Variants in CCDC185 observed in about 807,000 individuals in gnomAD.
CCDC185 encodes coiled-coil domain-containing protein 185.
For synonymous variants in CCDC185, 381 were observed against 348.1 expected, an observed-to-expected ratio of 1.09 and a Z score of -1.05; for missense variants, 982 against 825.3, an observed-to-expected ratio of 1.19 and a Z score of -2.33.
Position 223,394,671 on chromosome 1 carries a change from G to T in CCDC185, c.1196G>T (p.Arg399Met). Residue 399 changes from arginine (R) to methionine (M), a missense_variant, in exon 1 of 1, where the codon AGG becomes ATG. Arg to Met is a moderately conservative substitution (Grantham distance 91). Coordinates refer to ENST00000366875, the MANE Select transcript of CCDC185 (RefSeq NM_152610.3). ...LREQHSLQLQ[R>M]RLVEACRKRH... ...GAGCAGCACAGCCTGCAGCTGCAGA[G>T]GAGGCTGGTGGAAGCCTGTCGCAAG... The T allele has an allele frequency of 1.2e-6, 2 of 1,612,936 alleles. No individual in the cohort carries two copies. The highest frequency in any genetic ancestry group is 8.5e-7 in the Non-Finnish European group (1 of 1,179,840).
Position 223,393,714 on chromosome 1 carries a change from G to C in CCDC185, c.239G>C (p.Arg80Pro), listed in dbSNP as rs754409053. 6.4e-7 allele frequency: 1 copy of C among 1,570,728 alleles called. No homozygotes were observed. The highest frequency in any genetic ancestry group is 8.6e-7 in the Non-Finnish European group (1 of 1,162,048). ...PRRRGCSDSL[R>P]GSRSLSDVAR... ...AGGCGCGGGTGCTCAGATTCACTGCGGGGCAGCCGAAGCCTGAGCGATGTG... is the reference window on the plus strand; with the variant it reads ...AGGCGCGGGTGCTCAGATTCACTGCCGGGCAGCCGAAGCCTGAGCGATGTG... Residue 80 changes from arginine to proline, a missense_variant, in exon 1 of 1, where the codon CGG becomes CCG. Arg to Pro is a moderately radical substitution (Grantham distance 103). Transcript: ENST00000366875. The surrounding 1 kb of genome is among the most constrained non-coding windows in gnomAD (Gnocchi z 4.8).
chr1:223,394,188 CG>C, the CCDC185 span: 1 of 1,614,010 alleles, frequency 6.2e-7, no homozygotes, highest in South Asian at 1.1e-5. Flanking sequence ...ATGCGGAGCC[CG>C]CACACCCAGG....
At position 223,394,948 on chromosome 1, in the gene CCDC185, C is replaced by T. The variant is rs773606521; in HGVS notation, c.1473C>T (p.Arg491=). Residue 491 remains arginine (R), a synonymous_variant, in exon 1 of 1, where the codon CGC becomes CGT. Transcript: ENST00000366875. ...EEEQLQQARW[R]AGESEEQRKM... is the part of the protein sequence containing the mutation. ...AGCAGTTGCAGCAGGCCAGGTGGCG[C>T]GCAGGGGAGTCAGAGGAACAGAGGA... 7 of 1,614,080 alleles carry T rather than the reference C, an allele frequency of 4.3e-6. No individual in the cohort carries two copies. The highest frequency in any genetic ancestry group is 1.7e-5 in the Admixed American group (1 of 60,022).
chr1:223,394,272 G>T lies in CCDC185; in HGVS notation c.797G>T (p.Arg266Leu). 6.2e-7 allele frequency: 1 copy of T among 1,613,620 alleles called. No individual in the cohort carries two copies. Among genetic ancestry groups the T allele is most frequent in the Non-Finnish European group, 8.5e-7 (1 of 1,179,976 alleles). ...DQQIVALVLTRLKKAQRIREL... is the reference protein window; with the variant it reads ...DQQIVALVLTLLKKAQRIREL... Reference sequence around the variant, plus strand: ...CAGATTGTGGCCCTGGTGCTGACCCGTCTCAAGAAGGCCCAGAGGATACGG... The same window carrying T: ...CAGATTGTGGCCCTGGTGCTGACCCTTCTCAAGAAGGCCCAGAGGATACGG... Residue 266 changes from arginine to leucine, a missense_variant, in exon 1 of 1, where the codon CGT becomes CTT. Arg to Leu is a moderately radical substitution (Grantham distance 102, BLOSUM62 -2). Transcript: ENST00000366875.
chr1:223,394,131 A>C lies in CCDC185; in HGVS notation c.656A>C (p.Glu219Ala), dbSNP rs1051276807. Residue 219 changes from glutamate to alanine, a missense_variant, in exon 1 of 1, where the codon GAG becomes GCG. Physicochemically the swap from Glu to Ala is moderately radical, Grantham distance 107. Coordinates refer to ENST00000366875, the MANE Select transcript of CCDC185 (RefSeq NM_152610.3). ...AAGAGAGACAGCAGCGACCAGGTTG[A>C]GTCATTAGCCAGCCGGGACTCCCAG... The part of the protein sequence containing the change: ...AQKRDSSDQV[E>A]SLASRDSQPL... The C allele has an allele frequency of 1.2e-6, 2 of 1,613,952 alleles. No homozygotes were observed. Among genetic ancestry groups the C allele is most frequent in the African/African-American group, 2.7e-5 (2 of 74,942 alleles).
rs149890777 is a variant in CCDC185, at chr1:223,394,732, C to T, written c.1257C>T (p.Val419=). 1.9e-3 allele frequency: 3,035 copies of T among 1,611,538 alleles called. 57 individuals are homozygous for T. In the South Asian group the frequency reaches 0.022, roughly 12 times the overall value. ...HLHAVEGQKK[V]QDTNLSSLIN... ...ATGCCGTGGAGGGCCAGAAGAAGGTCCAGGACACCAACCTGAGCTCCCTCA... is the reference window on the plus strand; with the variant it reads ...ATGCCGTGGAGGGCCAGAAGAAGGTTCAGGACACCAACCTGAGCTCCCTCA... The change falls in exon 1 of 1, where the codon GTC becomes GTT. Residue 419 remains valine, a synonymous_variant. Transcript: ENST00000366875.
rs375462609 is a variant in CCDC185, at chr1:223,394,467, G to A, written c.992G>A (p.Arg331Gln). Residue 331 changes from arginine to glutamine, a missense_variant, in exon 1 of 1, where the codon CGG becomes CAG. Coordinates refer to ENST00000366875, the MANE Select transcript of CCDC185 (RefSeq NM_152610.3). The stretch of plus-strand genomic sequence containing the variant: ...CAGAGCCCTGAGCAGCGCGGCCTGC[G>A]GCGGGACAGCCAGAGGAAGAACGTG... The part of the protein sequence containing the change: ...TLQSPEQRGL[R>Q]RDSQRKNVPP... The A allele has an allele frequency of 1.4e-4, 213 of 1,571,788 alleles. No individual in the cohort carries two copies. The highest frequency in any genetic ancestry group is 1.8e-4 in the Non-Finnish European group (206 of 1,159,458).
chr1:223,393,439 C>T lies in CCDC185; in HGVS notation c.-37C>T. The T allele has an allele frequency of 7.0e-7, 1 of 1,422,224 alleles. No homozygotes were observed. Among genetic ancestry groups the T allele is most frequent in the South Asian group, 1.5e-5 (1 of 65,384 alleles). The allele number at this position is 1,422,224 out of a possible 1,614,324, so 88.1% of individuals were successfully genotyped here. Reference sequence around the variant, plus strand: ...TGCAGCGTCCTCGGGAGGTCTCAGGCCCCTTGGGCAGACGCTGCGCGTGCC... The same window carrying T: ...TGCAGCGTCCTCGGGAGGTCTCAGGTCCCTTGGGCAGACGCTGCGCGTGCC... On this transcript the variant is annotated 5_prime_UTR_variant, in exon 1 of 1. Coordinates refer to ENST00000366875, the MANE Select transcript of CCDC185 (RefSeq NM_152610.3). This position sits in a 1 kb window ranked among gnomAD's most constrained non-coding sequence, Gnocchi z 4.8.
In CCDC185 at chr1:223,393,816, G is replaced by C; in HGVS notation, c.341G>C (p.Gly114Ala). 6.3e-7 allele frequency: 1 copy of C among 1,589,418 alleles called. No homozygotes were observed. Among genetic ancestry groups the C allele is most frequent in the Non-Finnish European group, 8.6e-7 (1 of 1,169,100 alleles). ...RRLEDAWGET[G>A]TKPRPAWQPQ... is the part of the protein sequence containing the mutation. ...CTGGAAGATGCCTGGGGAGAGACAG[G>C]AACCAAGCCCCGCCCGGCTTGGCAG... Residue 114 changes from glycine (G) to alanine (A), a missense_variant, in exon 1 of 1, where the codon GGA becomes GCA. Gly to Ala is a moderately conservative substitution (Grantham distance 60). Coordinates refer to ENST00000366875, the MANE Select transcript of CCDC185 (RefSeq NM_152610.3). The surrounding 1 kb of genome is among the most constrained non-coding windows in gnomAD (Gnocchi z 4.8).
rs781545110 is a variant in CCDC185, at chr1:223,395,068, C to A, written c.1593C>A (p.His531Gln). 1.2e-6 allele frequency: 2 copies of A among 1,614,024 alleles called. No homozygotes were observed. Among genetic ancestry groups the A allele is most frequent in the Admixed American group, 3.3e-5 (2 of 60,004 alleles). Residue 531 changes from histidine (H) to glutamine (Q), a missense_variant, in exon 1 of 1, where the codon CAC becomes CAA. Physicochemically the swap from His to Gln is conservative, Grantham distance 24. Transcript: ENST00000366875. ...VHKTTRDKVQ[H>Q]LRELNHLREK... The stretch of plus-strand genomic sequence containing the variant: ...AGACCACTAGGGACAAGGTGCAGCA[C>A]CTCCGGGAGCTCAACCACCTGAGGG...
chr1:223,394,468 G>T lies in CCDC185; in HGVS notation c.993G>T (p.Arg331=). 1 of 1,572,358 alleles carries T rather than the reference G, an allele frequency of 6.4e-7. No homozygotes were observed. ...TLQSPEQRGL[R]RDSQRKNVPP... is the part of the protein sequence containing the mutation. ...AGAGCCCTGAGCAGCGCGGCCTGCGGCGGGACAGCCAGAGGAAGAACGTGC... is the reference window on the plus strand; with the variant it reads ...AGAGCCCTGAGCAGCGCGGCCTGCGTCGGGACAGCCAGAGGAAGAACGTGC... Residue 331 remains arginine (R), a synonymous_variant, in exon 1 of 1, where the codon CGG becomes CGT. Coordinates refer to ENST00000366875, the MANE Select transcript of CCDC185 (RefSeq NM_152610.3).
In CCDC185 at chr1:223,394,243, C is replaced by T. The variant is rs753180931; in HGVS notation, c.768C>T (p.Asp256=). The T allele has an allele frequency of 6.2e-6, 10 of 1,613,898 alleles. No homozygotes were observed. The Middle Eastern group carries it at 6.6e-4, about 106-fold the overall frequency. Residue 256 remains aspartate, a synonymous_variant, in exon 1 of 1, where the codon GAC becomes GAT. Transcript: ENST00000366875. The part of the protein sequence containing the change: ...KLEEVVVSSQ[D]QQIVALVLTR... ...AAGAGGTGGTGGTGTCCTCCCAGGA[C>T]CAGCAGATTGTGGCCCTGGTGCTGA...
chr1:223,394,853 CA>C, the CCDC185 span: 1 of 1,614,044 alleles, frequency 6.2e-7, no homozygotes, highest in Non-Finnish European at 8.5e-7. Flanking sequence ...CCAGCGGTCC[CA>C]GGAGATACAC....
In CCDC185 at chr1:223,393,524, G is replaced by C; in HGVS notation, c.49G>C (p.Glu17Gln). The part of the protein sequence containing the change: ...FSQPPYRDLW[E>Q]PPRPGGERES... ...CCAGCCGCCCTACCGGGATCTCTGG[G>C]AACCCCCGCGGCCCGGCGGAGAACG... The change falls in exon 1 of 1, where the codon GAA (glutamate) becomes CAA (glutamine). Residue 17 changes from glutamate to glutamine, a missense_variant. Transcript: ENST00000366875. The surrounding 1 kb of genome is among the most constrained non-coding windows in gnomAD (Gnocchi z 4.8). The C allele has an allele frequency of 6.5e-6, 10 of 1,549,370 alleles. No individual in the cohort carries two copies. The highest frequency in any genetic ancestry group is 8.7e-6 in the Non-Finnish European group (10 of 1,150,216).
chr1:223,395,172 A>G lies in CCDC185; in HGVS notation c.1697A>G (p.Lys566Arg). Reference protein sequence around the residue: ...CHIEGIKEAIKKKEQRVQHIS... With the variant: ...CHIEGIKEAIRKKEQRVQHIS... ...ATTGAGGGCATCAAGGAGGCCATTA[A>G]GAAAAAGGAGCAGAGGGTGCAGCAC... is the stretch of plus-strand genomic sequence containing the variant. Residue 566 changes from lysine to arginine, a missense_variant, in exon 1 of 1, where the codon AAG becomes AGG. By Grantham distance (26) the Lys-to-Arg change is conservative. Transcript: ENST00000366875. 1 of 1,614,170 alleles carries G rather than the reference A, an allele frequency of 6.2e-7. No homozygotes were observed. Among genetic ancestry groups the G allele is most frequent in the South Asian group, 1.1e-5 (1 of 91,080 alleles).
At position 223,395,235 on chromosome 1, in the gene CCDC185, A is replaced by G. The variant is rs1015195653; in HGVS notation, c.1760A>G (p.Gln587Arg). The G allele has an allele frequency of 9.9e-6, 16 of 1,610,288 alleles. No individual in the cohort carries two copies. Among genetic ancestry groups the G allele is most frequent in the East Asian group, 4.5e-5 (2 of 44,880 alleles). ...QGKDPNFQEF[Q>R]KLPQASRREE... Reference sequence around the variant, plus strand: ...AAAGACCCAAACTTCCAGGAGTTCCAGAAGCTCCCTCAGGCCTCCAGGAGA... The same window carrying G: ...AAAGACCCAAACTTCCAGGAGTTCCGGAAGCTCCCTCAGGCCTCCAGGAGA... The change falls in exon 1 of 1, where the codon CAG (glutamine) becomes CGG (arginine). Residue 587 changes from glutamine to arginine, a missense_variant. Coordinates refer to ENST00000366875, the MANE Select transcript of CCDC185 (RefSeq NM_152610.3).
At position 223,395,113 on chromosome 1, in the gene CCDC185, G is replaced by A; in HGVS notation, c.1638G>A (p.Leu546=). 6.2e-7 allele frequency: 1 copy of A among 1,614,168 alleles called. No homozygotes were observed. The highest frequency in any genetic ancestry group is 8.5e-7 in the Non-Finnish European group (1 of 1,180,046). ...NHLREKNHHI[L]KLKAEKEEKC... is the part of the protein sequence containing the mutation. Reference sequence around the variant, plus strand: ...TGAGGGAGAAAAACCACCACATCCTGAAACTGAAAGCCGAGAAGGAGGAAA... The same window carrying A: ...TGAGGGAGAAAAACCACCACATCCTAAAACTGAAAGCCGAGAAGGAGGAAA... Residue 546 remains leucine (L), a synonymous_variant, in exon 1 of 1, where the codon CTG becomes CTA. Coordinates refer to ENST00000366875, the MANE Select transcript of CCDC185 (RefSeq NM_152610.3).
rs1451554544 is a variant in CCDC185 at position 223,395,248 on chromosome 1, G to C, written c.1773G>C (p.Gln591His). The C allele has an allele frequency of 3.7e-6, 6 of 1,606,918 alleles. No individual in the cohort carries two copies. In the East Asian group the frequency reaches 1.1e-4, roughly 30 times the overall value. The change falls in exon 1 of 1, where the codon CAG (glutamine) becomes CAC (histidine). Residue 591 changes from glutamine (Q) to histidine (H), a missense_variant. Physicochemically the swap from Gln to His is conservative, Grantham distance 24 (BLOSUM62 0). Coordinates refer to ENST00000366875, the MANE Select transcript of CCDC185 (RefSeq NM_152610.3). ...TCCAGGAGTTCCAGAAGCTCCCTCA[G>C]GCCTCCAGGAGAGAGGAGAGAGCGC... The part of the protein sequence containing the change: ...PNFQEFQKLP[Q>H]ASRREERAPP...
chr1:223,393,594 C>A lies in CCDC185; in HGVS notation c.119C>A (p.Ser40Tyr). 6.5e-7 allele frequency: 1 copy of A among 1,529,958 alleles called. No homozygotes were observed. 94.8% of individuals were successfully genotyped at this position (1,529,958 alleles called of 1,614,324 possible). A position where few individuals can be genotyped will look rare whatever the true frequency, so the allele number is the denominator to read the frequency against. The stretch of plus-strand genomic sequence containing the variant: ...GGCGGGCAGAGGTCCGGAGCCGACT[C>A]CACCGCGTGCTCCCGGGCCGGGACT... ...RLGGQRSGAD[S>Y]TACSRAGTPG... The change falls in exon 1 of 1, where the codon TCC becomes TAC. Residue 40 changes from serine to tyrosine, a missense_variant. Ser to Tyr is a moderately radical substitution (Grantham distance 144). Transcript: ENST00000366875. This position sits in a 1 kb window ranked among gnomAD's most constrained non-coding sequence, Gnocchi z 4.8.
Sources: gnomAD v4.1 joint callset for allele counts on GRCh38, gnomAD v4.1.1 for gene constraint, Gnocchi (gnomAD v3.1) non-coding constraint, MANE v1.5 for transcripts, NCBI Gene and HGNC (gene_info 2026-07-23, HGNC 2026-07-21) for gene names.